GPR158: variants seen among roughly 807,000 people sequenced by gnomAD.
The protein encoded by GPR158 is G protein-coupled receptor 158, also known as metabotropic glycine receptor.
Under a neutral mutation model 78.2 loss-of-function variants are expected in GPR158, and 30 were observed. The observed-to-expected ratio is 0.38, with a 90% CI of 0.29 to 0.52. The LOEUF (loss-of-function observed/expected upper bound fraction) is 0.52. Among genes scored for constraint, GPR158 ranks in the 20% least tolerant of loss-of-function variants. The pLI, the probability that GPR158 is intolerant of heterozygous loss-of-function variation, is 0.83. For synonymous variants in GPR158, 581 were observed against 591.1 expected (o/e 0.98, Z 0.25); for missense variants, 1,463 against 1,523.5 (o/e 0.96, Z 0.66).
intron 1 of GPR158, among the ~76,000 whole-genome samples, chr10:25,201,473 A>G (rs1314115162): frequency 1.3e-5 from 2 of 152,010 alleles, no homozygotes; most frequent in Non-Finnish European, 2.9e-5. Context: ...CTCTCTTCCT[A>G]TTTGGATGTC....
At chr10:25,465,726 T>G (rs1244889754) in intron 4 of GPR158, among the ~76,000 whole-genome samples, 1 of 152,206 alleles carries the variant, frequency 6.6e-6, no homozygotes, top group African/African-American at 2.4e-5. Context: ...CAAGACCTTG[T>G]GCATGTGCTT....
intron 4 of GPR158, among the ~76,000 whole-genome samples, chr10:25,433,571 G>GTGTGTGTGTGCA (rs1564454635): frequency 3.8e-5 from 2 of 53,076 alleles, no homozygotes; most frequent in Non-Finnish European, 7.4e-5. Flanking sequence ...GTGTGTGTGT[G>GTGTGTGTGTGCA]CGCGCGCGCG....
At chr10:25,305,799 G>T (rs532514264) in intron 2 of GPR158, among the ~76,000 whole-genome samples, 7 of 152,132 alleles carry the variant, frequency 4.6e-5, no homozygotes, top group Admixed American at 4.6e-4. Flanking sequence ...GGGTGGCTCA[G>T]ATCTCCTCAC....
chr10:25,367,328 C>A (rs1028340801), intron 2 of GPR158, among the ~76,000 whole-genome samples: 1 of 151,560 alleles, frequency 6.6e-6, no homozygotes, highest in Non-Finnish European at 1.5e-5. Context: ...AGACTCTATT[C>A]TGAATCATTG....
At chr10:25,197,646 C>T (rs1305467958) in intron 1 of GPR158, among the ~76,000 whole-genome samples, 1 of 152,184 alleles carries the variant, frequency 6.6e-6, no homozygotes. Flanking sequence ...TATTTTAAGG[C>T]AGATTACAGT....
intron 5 of GPR158, among the ~76,000 whole-genome samples, chr10:25,494,325 TATTA>T (rs1339825009): frequency 1.3e-5 from 2 of 152,192 alleles, no homozygotes; most frequent in African/African-American, 4.8e-5. Context: ...TCTTAATGGA[TATTA>T]ATTTTTCATG....
At chr10:25,280,322 C>G (rs1053725874) in intron 2 of GPR158, among the ~76,000 whole-genome samples, 16 of 152,182 alleles carry the variant, frequency 1.1e-4, no homozygotes, top group African/African-American at 3.1e-4. Context: ...AGCTGAGATA[C>G]CTATCTTATG....
At chr10:25,384,876 G>A (rs1267129585) in intron 2 of GPR158, among the ~76,000 whole-genome samples, 5 of 152,086 alleles carry the variant, frequency 3.3e-5, no homozygotes, top group African/African-American at 1.2e-4. Context: ...TATACATCAT[G>A]CCGATTGCAA....
At chr10:25,434,002 A>T (rs1330611940) in intron 4 of GPR158, among the ~76,000 whole-genome samples, 8 of 151,882 alleles carry the variant, frequency 5.3e-5, no homozygotes, top group Non-Finnish European at 1.0e-4. Flanking sequence ...TACTAAAAAT[A>T]AAAAAAATTA....
intron 2 of GPR158, among the ~76,000 whole-genome samples, chr10:25,389,268 G>T (rs550269704): frequency 2.0e-5 from 3 of 152,296 alleles, no homozygotes; most frequent in South Asian, 2.1e-4. Context: ...CACTCAGCCA[G>T]ACTCAAGGAG....
At chr10:25,359,030 C>G (rs1855591732) in intron 2 of GPR158, among the ~76,000 whole-genome samples, 1 of 151,822 alleles carries the variant, frequency 6.6e-6, no homozygotes, top group Admixed American at 6.6e-5. Flanking sequence ...CTTCTGTCTA[C>G]TTATTCTATC....
At chr10:25,224,918 A>C (rs1490395661) in intron 2 of GPR158, among the ~76,000 whole-genome samples, 12 of 152,140 alleles carry the variant, frequency 7.9e-5, no homozygotes, top group Admixed American at 4.6e-4. Flanking sequence ...ATTAAAGCAG[A>C]CTAGGACATT....
chr10:25,527,243 C>G (rs944091137), intron 5 of GPR158, among the ~76,000 whole-genome samples: 1 of 152,054 alleles, frequency 6.6e-6, no homozygotes, highest in Admixed American at 6.5e-5. Context: ...CAAAACTGTA[C>G]AAGTGGTATA....
At chr10:25,365,045 T>C (rs1855698078) in intron 2 of GPR158, among the ~76,000 whole-genome samples, 1 of 151,198 alleles carries the variant, frequency 6.6e-6, no homozygotes, top group African/African-American at 2.4e-5. Flanking sequence ...CTTGAAAACA[T>C]TTTTGTATGT....
In GPR158 at chr10:25,251,246, A is replaced by G. The variant is rs535403291; in HGVS notation, c.1008+30089A>G. Among the ~76,000 whole-genome samples the G allele has an allele frequency of 4.4e-3, 671 of 152,122 alleles. 5 individuals carry two copies. The highest frequency in any genetic ancestry group is 0.014 in the African/African-American group (588 of 41,470). On this transcript the variant is annotated intron_variant, in intron 2 of 10. Coordinates refer to ENST00000376351, the MANE Select transcript of GPR158 (RefSeq NM_020752.3). The stretch of plus-strand genomic sequence containing the variant: ...TGGGTCTCCTGAATACAGCACACTG[A>G]TGGGTCTTGACTCTTTATCCAATTT...
At chr10:25,543,271 C>G (rs1188460059) in intron 5 of GPR158, among the ~76,000 whole-genome samples, 1 of 152,056 alleles carries the variant, frequency 6.6e-6, no homozygotes, top group Non-Finnish European at 1.5e-5. Context: ...CAAGTGTTCA[C>G]CACCCTGCCC....
At chr10:25,404,396 CAA>C (rs932495054) in intron 3 of GPR158, among the ~76,000 whole-genome samples, 1 of 152,028 alleles carries the variant, frequency 6.6e-6, no homozygotes, top group African/African-American at 2.4e-5. Flanking sequence ...TTTCTGAGCA[CAA>C]AGAATAAAAT....
chr10:25,241,257 TC>T (rs544496737), intron 2 of GPR158, among the ~76,000 whole-genome samples: 9 of 137,724 alleles, frequency 6.5e-5, no homozygotes, highest in African/African-American at 2.0e-4. Flanking sequence ...TTCCTTTCTT[TC>T]CTTTCTTTCT....
At chr10:25,250,832 C>T in intron 2 of GPR158, among the ~76,000 whole-genome samples, 1 of 150,914 alleles carries the variant, frequency 6.6e-6, no homozygotes. Context: ...ATTAGGTCCG[C>T]TTGGTGCAGA....
Sources: gnomAD v4.1 joint callset for allele counts (sites outside exome capture counted in the v4.1 genomes callset) on GRCh38, gnomAD v4.1.1 for gene constraint, MANE v1.5 for transcripts, NCBI Gene and HGNC (gene_info 2026-07-23, HGNC 2026-07-21) for gene names.